Variants in MED24 observed in about 807,000 individuals in gnomAD.
MED24 encodes mediator of RNA polymerase II transcription subunit 24.
Under a neutral mutation model 118.8 loss-of-function variants are expected in MED24, and 74 were observed. The observed-to-expected ratio is 0.62, with a 90% confidence interval of 0.52 to 0.76. The LOEUF (loss-of-function observed/expected upper bound fraction) is 0.76. Ranked by LOEUF, MED24 falls within the 30% of genes least tolerant of loss-of-function variation. The pLI, the probability that MED24 is intolerant of heterozygous loss-of-function variation, is 0.00. For synonymous variants in MED24, 521 were observed against 523.9 expected, an observed-to-expected ratio of 0.99 and a Z score of 0.08; for missense variants, 1,041 against 1,278.9, an observed-to-expected ratio of 0.81 and a Z score of 2.84.
At chr17:40,024,332 G>A (rs996429200) in intron 19 of MED24, among the ~76,000 whole-genome samples, 3 of 152,030 alleles carry the variant, frequency 2.0e-5, no homozygotes, top group Admixed American at 6.6e-5. Flanking sequence ...TCAGGAGTTC[G>A]AGACCAGCCT....
intron 3 of MED24, among the ~76,000 whole-genome samples, chr17:40,043,890 C>CAAAAAAAAAAAAAAAACAAAAAAAAAAA (rs35743512): frequency 1.0e-5 from 1 of 97,446 alleles, no homozygotes; most frequent in African/African-American, 3.7e-5. Flanking sequence ...GACTCCATCT[C>CAAAAAAAAAAAAAAAACAAAAAAAAAAA]AAAAAAAAAA....
chr17:40,051,183 C>T (rs193086464), intron 3 of MED24, among the ~76,000 whole-genome samples: 5 of 146,530 alleles, frequency 3.4e-5, no homozygotes, highest in Non-Finnish European at 6.0e-5. Context: ...TGGTGGTGGG[C>T]GCCTGTAATC....
chr17:40,020,400 CA>C, intron 23 of MED24, 47 bp from the exon 24 acceptor site: 1 of 1,560,476 alleles, frequency 6.4e-7, no homozygotes, highest in Non-Finnish European at 8.7e-7. Flanking sequence ...CTGCCGAGTG[CA>C]AAAGTGGTGC....
At chr17:40,052,361 A>G (rs1277028923) in intron 3 of MED24, among the ~76,000 whole-genome samples, 1 of 152,218 alleles carries the variant, frequency 6.6e-6, no homozygotes, top group Non-Finnish European at 1.5e-5. Context: ...TATGAGTGGT[A>G]TATCAGCACA....
chr17:40,026,508 A>G lies in MED24; in HGVS notation c.1809+139T>C. The G allele has an allele frequency of 6.2e-6, 7 of 1,127,782 alleles. No individual in the cohort carries two copies. In the South Asian group the frequency reaches 1.0e-4, roughly 16 times the overall value. The allele number at this position is 1,127,782 out of a possible 1,614,324, so 69.9% of individuals were successfully genotyped here. A position where few individuals can be genotyped will look rare whatever the true frequency, so the allele number is the denominator to read the frequency against. On this transcript the variant is annotated intron_variant, in intron 18 of 25. Coordinates refer to ENST00000394128, the MANE Select transcript of MED24 (RefSeq NM_014815.4). ...ACCTGGGCCAGAGGGAGTAGCTAAG[A>G]CAACGATTACACAAAATATCAATAT...
chr17:40,020,119 C>G, intron 24 of MED24, 154 bp downstream of exon 24: 5 of 1,014,634 alleles, frequency 4.9e-6, no homozygotes, highest in Non-Finnish European at 7.3e-6. Context: ...TAGACAGGAG[C>G]CTGGGGGCCA....
chr17:40,053,347 G>C lies in MED24; in HGVS notation c.164C>G (p.Ser55Cys). ...ALLEQAMIGP[S>C]PNPLILSYLK... ...GTAGGACAAGATGAGAGGATTGGGG[G>C]ATGGTCCAATCATGGCCTGCTCTAG... The change falls in exon 3 of 26, where the codon TCC (serine) becomes TGC (cysteine). Residue 55 changes from serine (S) to cysteine (C), a missense_variant. Coordinates refer to ENST00000394128, the MANE Select transcript of MED24 (RefSeq NM_014815.4). 6.2e-7 allele frequency: 1 copy of C among 1,613,060 alleles called. No individual in the cohort carries two copies. Among genetic ancestry groups the C allele is most frequent in the Non-Finnish European group, 8.5e-7 (1 of 1,179,302 alleles).
Position 40,019,175 on chromosome 17 carries a change from A to AACACACACAC in MED24, c.*344_*353dup, listed in dbSNP as rs59767650. 1.6e-3 allele frequency: 235 copies of AACACACACAC among 148,566 alleles called. No homozygotes were observed. Among genetic ancestry groups the AACACACACAC allele is most frequent in the Middle Eastern group, 6.7e-3 (3 of 448 alleles). 9.2% of individuals were successfully genotyped at this position (148,566 alleles called of 1,614,324 possible). A position where few individuals can be genotyped will look rare whatever the true frequency, so the allele number is the denominator to read the frequency against. On this transcript the variant is annotated 3_prime_UTR_variant, in exon 26 of 26. Coordinates refer to ENST00000394128, the MANE Select transcript of MED24 (RefSeq NM_014815.4). ...CCTCACATATTACAAAATACACACA[A>AACACACACAC]ACACACACACACACACACACACACA...
At chr17:40,038,571 C>T (rs1984209406) in intron 3 of MED24, among the ~76,000 whole-genome samples, 2 of 151,960 alleles carry the variant, frequency 1.3e-5, no homozygotes, top group African/African-American at 4.8e-5. Flanking sequence ...ACTAGCCGGG[C>T]GTGGTGGCGC....
At chr17:40,027,571 G>A in intron 15 of MED24, 106 bp from the exon 16 acceptor site, 6 of 1,070,894 alleles carry the variant, frequency 5.6e-6, no homozygotes, top group Non-Finnish European at 8.2e-6. Flanking sequence ...GGGACCAAGT[G>A]GCTCCTTCAA....
chr17:40,019,722 C>T, intron 25 of MED24, 63 bp downstream of exon 25: 1 of 1,592,600 alleles, frequency 6.3e-7, no homozygotes, highest in African/African-American at 1.3e-5. Flanking sequence ...GAGGCCCCTC[C>T]CTGCTCTAAG....
At position 40,028,847 on chromosome 17, in the gene MED24, G is replaced by A. The variant is rs267604841; in HGVS notation, c.1388C>T (p.Ser463Phe). Reference sequence around the variant, plus strand: ...TCACTTGATGAATTTCCGGGCGAAGGATTTCAGCTTTCCAGTGGCGGCGGC... The same window carrying A: ...TCACTTGATGAATTTCCGGGCGAAGAATTTCAGCTTTCCAGTGGCGGCGGC... ...AAAAATGKLK[S>F]FARKFINLNE... is the part of the protein sequence containing the mutation. Residue 463 changes from serine to phenylalanine, a missense_variant, in exon 14 of 26, where the codon TCC (serine) becomes TTC (phenylalanine). Transcript: ENST00000394128. 1.9e-6 allele frequency: 3 copies of A among 1,614,094 alleles called. No homozygotes were observed. Among genetic ancestry groups the A allele is most frequent in the Non-Finnish European group, 2.5e-6 (3 of 1,180,012 alleles).
At chr17:40,047,502 A>T (rs1985359488) in intron 3 of MED24, among the ~76,000 whole-genome samples, 1 of 151,932 alleles carries the variant, frequency 6.6e-6, no homozygotes, top group African/African-American at 2.4e-5. Flanking sequence ...TCTACTAAAA[A>T]TACAAAAAAA....
chr17:40,029,969 G>GT (rs1598344782), intron 12 of MED24, 110 bp from the exon 13 acceptor site: 1 of 898,336 alleles, frequency 1.1e-6, no homozygotes, highest in Non-Finnish European at 1.8e-6. Context: ...TGGGAAGCAT[G>GT]TAAGAACCTC....
intron 3 of MED24, among the ~76,000 whole-genome samples, chr17:40,046,682 C>T (rs1985256173): frequency 6.6e-6 from 1 of 150,668 alleles, no homozygotes; most frequent in Admixed American, 6.6e-5. Context: ...GGAGGCGGAG[C>T]TTGCAGTGAG....
Position 40,026,876 on chromosome 17 carries a change from G to C in MED24, c.1689C>G (p.Asn563Lys). 1 of 1,613,534 alleles carries C rather than the reference G, an allele frequency of 6.2e-7. No homozygotes were observed. Among genetic ancestry groups the C allele is most frequent in the South Asian group, 1.1e-5 (1 of 91,082 alleles). ...KVESLVALLN[N>K]SSEMKLVQMK... ...CTGACACTAGCTTCATCTCCGAGGAGTTGTTGAGCAGGGCCACCAGGGACT... is the reference window on the plus strand; with the variant it reads ...CTGACACTAGCTTCATCTCCGAGGACTTGTTGAGCAGGGCCACCAGGGACT... The change falls in exon 17 of 26, where the codon AAC becomes AAG. Residue 563 changes from asparagine (N) to lysine (K), a missense_variant. Coordinates refer to ENST00000394128, the MANE Select transcript of MED24 (RefSeq NM_014815.4).
chr17:40,029,985 T>C (rs1983173473), intron 12 of MED24, 126 bp from the exon 13 acceptor site: 2 of 763,870 alleles, frequency 2.6e-6, no homozygotes, highest in Non-Finnish European at 4.4e-6. Flanking sequence ...ACCTCCGAGG[T>C]TGGGGTGAAG....
chr17:40,021,955 TG>T lies in MED24; in HGVS notation c.2622del (p.Thr875GlnfsTer5). ...NEDDANILSS[P>X]TDRSMSSSLS... is the part of the protein sequence containing the mutation. ...GCGCGCGGCCAGCCCACACACTCACTGGGGCTCGAAAGGATGTTGGCATCGT... is the reference window on the plus strand; with the variant it reads ...GCGCGCGGCCAGCCCACACACTCACTGGGCTCGAAAGGATGTTGGCATCGT... On this transcript the variant is annotated frameshift_variant and splice_region_variant, in exon 23 of 26. Transcript: ENST00000394128. LOFTEE classifies it high-confidence loss of function. The T allele has an allele frequency of 6.3e-7, 1 of 1,593,978 alleles. No individual in the cohort carries two copies. Among genetic ancestry groups the T allele is most frequent in the Non-Finnish European group, 8.6e-7 (1 of 1,169,034 alleles).
chr17:40,036,396 G>C (rs1395900519), intron 3 of MED24, among the ~76,000 whole-genome samples: 2 of 152,064 alleles, frequency 1.3e-5, no homozygotes, highest in Non-Finnish European at 2.9e-5. Flanking sequence ...ATGCTCAAAG[G>C]CTCCATGTTT....
Sources: gnomAD v4.1 joint callset for allele counts (sites outside exome capture counted in the v4.1 genomes callset) on GRCh38, gnomAD v4.1.1 for gene constraint, MANE v1.5 for transcripts, NCBI Gene and HGNC (gene_info 2026-07-23, HGNC 2026-07-21) for gene names.